The following SUPT3H variants were observed in gnomAD, a reference collection of about 807,000 sequenced individuals.
The protein encoded by SUPT3H is transcription initiation protein SPT3 homolog.
A neutral mutation model predicts 44.3 loss-of-function variants in SUPT3H; 44 were observed. That is an observed-to-expected ratio of 0.99 (90% CI 0.78 to 1.28). SUPT3H has a LOEUF of 1.28. SUPT3H is among the 50% of genes most tolerant of loss of function. The pLI is 0.00. For synonymous variants in SUPT3H, 124 were observed against 125.6 expected (o/e 0.99, Z 0.09); for missense variants, 380 against 387.1 (o/e 0.98, Z 0.15).
intron 3 of SUPT3H, among the ~76,000 whole-genome samples, chr6:45,054,678 T>C (rs1230940575): frequency 2.0e-5 from 3 of 152,144 alleles, no homozygotes; most frequent in Admixed American, 6.6e-5. Flanking sequence ...AATATATTCC[T>C]GAGAATCTGA....
intron 2 of SUPT3H, among the ~76,000 whole-genome samples, chr6:45,312,514 CA>C (rs144073348): frequency 1.2e-3 from 124 of 106,490 alleles, no homozygotes; most frequent in East Asian, 1.7e-3. Flanking sequence ...GACTCCATCT[CA>C]AAAAAAAAAA....
intron 10 of SUPT3H, among the ~76,000 whole-genome samples, chr6:44,889,804 C>G (rs1762982096): frequency 6.6e-6 from 1 of 152,140 alleles, no homozygotes; most frequent in Non-Finnish European, 1.5e-5. Context: ...GCAAAAGAAA[C>G]TACCATCAGA....
At chr6:44,843,956 CACAT>C (rs1159618420) in intron 10 of SUPT3H, among the ~76,000 whole-genome samples, 1 of 133,580 alleles carries the variant, frequency 7.5e-6, no homozygotes, top group Non-Finnish European at 1.7e-5. Context: ...CACACACACA[CACAT>C]GCACAGAAAA....
chr6:45,296,823 T>C (rs1041920909), intron 2 of SUPT3H, among the ~76,000 whole-genome samples: 2 of 134,494 alleles, frequency 1.5e-5, no homozygotes, highest in African/African-American at 5.5e-5. Flanking sequence ...ATCTCACAAA[T>C]CACCACTAAA....
In SUPT3H at chr6:44,938,936, G is replaced by A. The variant is rs1303615866; in HGVS notation, c.802-6173C>T. Among the ~76,000 whole-genome samples the A allele has an allele frequency of 5.9e-5, 9 of 152,168 alleles. No homozygotes were observed. The East Asian group carries it at 1.5e-3, about 26-fold the overall frequency. ...CAATGATTTTGTGTACTCAAACTTT[G>A]AATTCATTTATCAAATTTGAGAGGT... is the stretch of plus-strand genomic sequence containing the variant. On this transcript the variant is annotated intron_variant, in intron 9 of 10. Coordinates refer to ENST00000371459, the MANE Select transcript of SUPT3H (RefSeq NM_003599.4).
rs533480955 is a variant in SUPT3H, at chr6:44,860,319, A to G, written c.913-30462T>C. Among the ~76,000 whole-genome samples the G allele has an allele frequency of 8.5e-5, 13 of 152,288 alleles. No individual in the cohort carries two copies. The South Asian group carries it at 2.7e-3, about 32-fold the overall frequency. On this transcript the variant is annotated intron_variant, in intron 10 of 10. Transcript: ENST00000371459. Reference sequence around the variant, plus strand: ...AATCAACTGCTTCATGTACCCAGCTATCCTTAGTCATTCAGACCACCAAAA... The same window carrying G: ...AATCAACTGCTTCATGTACCCAGCTGTCCTTAGTCATTCAGACCACCAAAA...
intron 2 of SUPT3H, among the ~76,000 whole-genome samples, chr6:45,184,417 C>G (rs1420200615): frequency 6.6e-6 from 1 of 152,030 alleles, no homozygotes; most frequent in Non-Finnish European, 1.5e-5. Context: ...TGATGAAAAT[C>G]TTCATGGAAA....
At chr6:45,286,522 C>T (rs1779306744) in intron 2 of SUPT3H, among the ~76,000 whole-genome samples, 1 of 151,776 alleles carries the variant, frequency 6.6e-6, no homozygotes, top group Admixed American at 6.6e-5. Flanking sequence ...CAGAGAAATG[C>T]AAATCAAAAC....
chr6:45,292,453 T>C (rs1197627616), intron 2 of SUPT3H, among the ~76,000 whole-genome samples: 1 of 152,058 alleles, frequency 6.6e-6, no homozygotes, highest in Non-Finnish European at 1.5e-5. Flanking sequence ...ACGAATACCA[T>C]GGTGAATAAA....
intron 2 of SUPT3H, among the ~76,000 whole-genome samples, chr6:45,290,808 C>T (rs1349522202): frequency 6.6e-6 from 1 of 152,090 alleles, no homozygotes; most frequent in East Asian, 1.9e-4. Context: ...AGTATTGTAT[C>T]ACATAAGCCT....
intron 5 of SUPT3H, among the ~76,000 whole-genome samples, chr6:45,006,567 A>T (rs1368619208): frequency 6.6e-6 from 1 of 152,010 alleles, no homozygotes. Context: ...TTCCATTATT[A>T]TTTAAAGTAA....
intron 2 of SUPT3H, among the ~76,000 whole-genome samples, chr6:45,106,416 A>G (rs115719034): frequency 6.6e-6 from 1 of 152,280 alleles, no homozygotes; most frequent in African/African-American, 2.4e-5. Context: ...TGGGCAATGG[A>G]GTCAGACCCT....
chr6:44,894,667 C>T (rs917371436), intron 10 of SUPT3H, among the ~76,000 whole-genome samples: 2 of 151,974 alleles, frequency 1.3e-5, no homozygotes, highest in African/African-American at 4.8e-5. Context: ...ATGCCTCCAG[C>T]TTTGTTCTTT....
At chr6:44,850,314 C>CT (rs1396373025) in intron 10 of SUPT3H, among the ~76,000 whole-genome samples, 3 of 152,006 alleles carry the variant, frequency 2.0e-5, no homozygotes, top group African/African-American at 4.8e-5. Context: ...TCCCCCTAAC[C>CT]TTTTTTTTCC....
intron 9 of SUPT3H, among the ~76,000 whole-genome samples, chr6:44,948,891 C>T (rs547292070): frequency 6.6e-6 from 1 of 152,122 alleles, no homozygotes; most frequent in Non-Finnish European, 1.5e-5. Context: ...CCATTACTGG[C>T]TATATACCCA....
intron 2 of SUPT3H, among the ~76,000 whole-genome samples, chr6:45,194,157 C>A (rs1292621146): frequency 6.6e-6 from 1 of 152,158 alleles, no homozygotes; most frequent in Non-Finnish European, 1.5e-5. Flanking sequence ...TCAAACTTTA[C>A]ATTTTATGGT....
intron 3 of SUPT3H, among the ~76,000 whole-genome samples, chr6:45,036,421 G>A (rs1787683401): frequency 1.3e-5 from 2 of 152,172 alleles, no homozygotes; most frequent in South Asian, 2.1e-4. Context: ...CAGAAAAGTA[G>A]CCAAGGTGGG....
chr6:44,922,571 T>C (rs1384351498), intron 10 of SUPT3H, among the ~76,000 whole-genome samples: 2 of 152,148 alleles, frequency 1.3e-5, no homozygotes, highest in African/African-American at 4.8e-5. Flanking sequence ...AGTATACAAA[T>C]GCTTCACTTA....
At chr6:45,258,761 C>T (rs551293677) in intron 2 of SUPT3H, among the ~76,000 whole-genome samples, 9 of 152,192 alleles carry the variant, frequency 5.9e-5, no homozygotes, top group South Asian at 2.1e-4. Flanking sequence ...TTTATTTGCA[C>T]GTTTCCTAAT....
Sources: gnomAD v4.1 joint callset for allele counts (sites outside exome capture counted in the v4.1 genomes callset) on GRCh38, gnomAD v4.1.1 for gene constraint, MANE v1.5 for transcripts, NCBI Gene and HGNC (gene_info 2026-07-23, HGNC 2026-07-21) for gene names.